NNT: variants seen among roughly 807,000 people sequenced by gnomAD.
The protein encoded by NNT is nicotinamide nucleotide transhydrogenase, also known as NAD(P) transhydrogenase, mitochondrial.
NNT carries 50 observed loss-of-function variants against 104.8 expected under a neutral mutation model. That is an observed-to-expected ratio of 0.48 (90% CI 0.38 to 0.60). NNT has a LOEUF of 0.60. Among genes scored for constraint, NNT ranks in the 20% least tolerant of loss-of-function variants. The pLI is 0.00. For missense variants in NNT, 1,131 were observed against 1,330.7 expected, an observed-to-expected ratio of 0.85 and a Z score of 2.33; for synonymous variants, 461 against 490.4, an observed-to-expected ratio of 0.94 and a Z score of 0.79.
At chr5:43,611,611 A>G (rs916946185) in intron 2 of NNT, among the ~76,000 whole-genome samples, 2 of 152,166 alleles carry the variant, frequency 1.3e-5, no homozygotes, top group Admixed American at 1.3e-4. Context: ...ACTGTAAATT[A>G]TTACTATATA....
Position 43,656,768 on chromosome 5 carries a change from T to A in NNT, c.2409T>A (p.Thr803=), listed in dbSNP as rs1740078009. 1 of 1,614,058 alleles carries A rather than the reference T, an allele frequency of 6.2e-7. No individual in the cohort carries two copies. Among genetic ancestry groups the A allele is most frequent in the Non-Finnish European group, 8.5e-7 (1 of 1,180,024 alleles). Residue 803 remains threonine (T), a synonymous_variant, in exon 16 of 22, where the codon ACT becomes ACA. Coordinates refer to ENST00000344920, the MANE Select transcript of NNT (RefSeq NM_182977.3). ...TCATGGTGGACCCAAGCTTTACTAC[T>A]GGCATCACCTGTCTGGGTTCAGTGT... The part of the protein sequence containing the change: ...IPFMVDPSFT[T]GITCLGSVSA...
chr5:43,663,682 C>T (rs569452428), intron 17 of NNT, among the ~76,000 whole-genome samples: 48 of 152,244 alleles, frequency 3.2e-4, no homozygotes, highest in African/African-American at 7.2e-4. Context: ...ATTAGTGCAA[C>T]GTAGCAGGCA....
At chr5:43,671,926 A>C (rs1449827315) in intron 17 of NNT, among the ~76,000 whole-genome samples, 1 of 152,102 alleles carries the variant, frequency 6.6e-6, no homozygotes, top group Non-Finnish European at 1.5e-5. Flanking sequence ...TACACCAATG[A>C]GACGTAGATT....
chr5:43,679,893 T>TAA (rs1277356619), intron 19 of NNT, among the ~76,000 whole-genome samples: 5 of 151,910 alleles, frequency 3.3e-5, no homozygotes, highest in Admixed American at 6.6e-5. Flanking sequence ...TTATTAATAA[T>TAA]TTATTATGTA....
chr5:43,604,615 A>C (rs1749108727), intron 1 of NNT, among the ~76,000 whole-genome samples: 1 of 152,210 alleles, frequency 6.6e-6, no homozygotes, highest in South Asian at 2.1e-4. Flanking sequence ...GAGTAATACC[A>C]AAGTGAATAT....
chr5:43,614,155 T>G (rs751021555), intron 3 of NNT, among the ~76,000 whole-genome samples: 1 of 152,242 alleles, frequency 6.6e-6, no homozygotes, highest in Non-Finnish European at 1.5e-5. Flanking sequence ...AGGGATCATC[T>G]TTTGAGATGT....
intron 11 of NNT, among the ~76,000 whole-genome samples, chr5:43,649,954 A>G (rs1260507585): frequency 6.6e-6 from 1 of 152,190 alleles, no homozygotes; most frequent in Non-Finnish European, 1.5e-5. Flanking sequence ...GCCAATAGTC[A>G]TCTTTTATAA....
At chr5:43,619,302 C>T (rs1228772643) in intron 5 of NNT, among the ~76,000 whole-genome samples, 183 bp downstream of exon 5, 1 of 151,936 alleles carries the variant, frequency 6.6e-6, no homozygotes, top group Non-Finnish European at 1.5e-5. Context: ...AAAAAATGAA[C>T]TTTGACTTTC....
intron 17 of NNT, among the ~76,000 whole-genome samples, chr5:43,670,204 C>T (rs1339483840): frequency 2.0e-5 from 3 of 151,998 alleles, no homozygotes; most frequent in African/African-American, 7.3e-5. Context: ...AGTGGTCTAT[C>T]AATTTTGTTG....
intron 19 of NNT, 46 bp from the exon 20 acceptor site, chr5:43,700,073 T>TC: frequency 1.4e-6 from 2 of 1,477,494 alleles, no homozygotes; most frequent in Non-Finnish European, 1.9e-6. Flanking sequence ...CTCTGTACAT[T>TC]ATGTCCTGTC....
At chr5:43,626,148 C>A (rs74760378) in intron 6 of NNT, among the ~76,000 whole-genome samples, 1,878 of 151,746 alleles carry the variant, frequency 0.012, 48 homozygotes, top group African/African-American at 0.043. Flanking sequence ...TCAACCAGAT[C>A]AAAAATATTC....
intron 19 of NNT, among the ~76,000 whole-genome samples, chr5:43,686,237 A>G (rs1421292221): frequency 6.7e-6 from 1 of 150,018 alleles, no homozygotes; most frequent in Non-Finnish European, 1.5e-5. Flanking sequence ...AATACTGTTG[A>G]ATTTTTTTTT....
intron 17 of NNT, among the ~76,000 whole-genome samples, chr5:43,665,222 A>AT (rs1229990413): frequency 2.8e-5 from 4 of 144,200 alleles, no homozygotes; most frequent in Non-Finnish European, 4.5e-5. Flanking sequence ...TTATTTATTT[A>AT]TTATTATTAT....
At chr5:43,645,294 C>A in intron 9 of NNT, 63 bp from the exon 10 acceptor site, 2 of 1,118,560 alleles carry the variant, frequency 1.8e-6, no homozygotes, top group Non-Finnish European at 2.4e-6. Context: ...TAGTATATTC[C>A]TTAAGCAATT....
chr5:43,670,018 A>G (rs1317946172), intron 17 of NNT, among the ~76,000 whole-genome samples: 1 of 152,048 alleles, frequency 6.6e-6, no homozygotes, highest in Non-Finnish European at 1.5e-5. Flanking sequence ...GGGAGGGTGT[A>G]TGTGTCCAGG....
chr5:43,638,233 C>T (rs931070243), intron 7 of NNT, among the ~76,000 whole-genome samples: 3 of 152,156 alleles, frequency 2.0e-5, no homozygotes, highest in Non-Finnish European at 4.4e-5. Context: ...GTCAATTAAA[C>T]CCCTTTCATT....
chr5:43,620,629 T>C (rs1292931736), intron 5 of NNT, among the ~76,000 whole-genome samples: 3 of 151,356 alleles, frequency 2.0e-5, no homozygotes, highest in Admixed American at 6.6e-5. Context: ...AGAAATTATA[T>C]TGTTTTGAAA....
chr5:43,622,770 T>C (rs771150626), intron 5 of NNT, among the ~76,000 whole-genome samples: 7 of 152,202 alleles, frequency 4.6e-5, no homozygotes, highest in Non-Finnish European at 1.0e-4. Flanking sequence ...TCTTACTCAC[T>C]GTGTCTTTTT....
chr5:43,632,576 A>G (rs374519544), intron 7 of NNT, among the ~76,000 whole-genome samples: 6 of 152,152 alleles, frequency 3.9e-5, no homozygotes, highest in East Asian at 1.9e-4. Context: ...TCACCCCCCT[A>G]TTGGGTTGAG....
Sources: gnomAD v4.1 joint callset for allele counts (sites outside exome capture counted in the v4.1 genomes callset) on GRCh38, gnomAD v4.1.1 for gene constraint, MANE v1.5 for transcripts, NCBI Gene and HGNC (gene_info 2026-07-23, HGNC 2026-07-21) for gene names.